Variants in HIBCH observed in about 807,000 individuals in gnomAD.
The protein encoded by HIBCH is 3-hydroxyisobutyryl-CoA hydrolase, mitochondrial.
In HIBCH, 50 loss-of-function variants were observed where a neutral mutation model predicts 58.2. That is an observed-to-expected ratio of 0.86 (90% confidence interval 0.68 to 1.09). The LOEUF (loss-of-function observed/expected upper bound fraction) is 1.09. HIBCH is among the 50% of genes least tolerant of loss of function. The pLI is 0.00. For missense variants in HIBCH, 450 were observed against 449.7 expected (o/e 1.00, Z -0.01); for synonymous variants, 151 against 146.9 (o/e 1.03, Z -0.20).
Position 190,290,350 on chromosome 2 carries a change from C to CTT in HIBCH, c.385+54_385+55insAA. 2.5e-6 allele frequency: 3 copies of CTT among 1,191,768 alleles called. 1 individual carries two copies. The South Asian group carries it at 3.6e-5, about 14-fold the overall frequency. The allele number at this position is 1,191,768 out of a possible 1,614,324, so 73.8% of individuals were successfully genotyped here. A position where few individuals can be genotyped will look rare whatever the true frequency, so the allele number is the denominator to read the frequency against. On this transcript the variant is annotated intron_variant, in intron 5 of 13. Transcript: ENST00000359678. ...GATTGCATTTTTAACAAAGTACATA[C>CTT]TGTCCACCTCATTTCTTTATTCCAT...
chr2:190,297,591 T>C (rs571541455), intron 2 of HIBCH, among the ~76,000 whole-genome samples: 1 of 152,346 alleles, frequency 6.6e-6, no homozygotes, highest in African/African-American at 2.4e-5. Context: ...AAGTTTCCTG[T>C]ATACTGACTT....
At chr2:190,228,777 C>T (rs1195109072) in intron 11 of HIBCH, among the ~76,000 whole-genome samples, 1 of 152,142 alleles carries the variant, frequency 6.6e-6, no homozygotes, top group Non-Finnish European at 1.5e-5. Context: ...CAGTTGTCTC[C>T]TATTGTCAAA....
At chr2:190,318,835 A>T (rs1688773370) in intron 1 of HIBCH, among the ~76,000 whole-genome samples, 1 of 152,218 alleles carries the variant, frequency 6.6e-6, no homozygotes, top group Non-Finnish European at 1.5e-5. Flanking sequence ...ACAGAAAAGC[A>T]ACTCTTAAAT....
At chr2:190,318,978 C>CT (rs1481759782) in intron 1 of HIBCH, among the ~76,000 whole-genome samples, 1 of 152,142 alleles carries the variant, frequency 6.6e-6, no homozygotes, top group Non-Finnish European at 1.5e-5. Context: ...AAGGCAAACT[C>CT]TAAGGCTTAA....
chr2:190,296,967 G>T lies in HIBCH; in HGVS notation c.79-14C>A. On this transcript the variant is annotated splice_polypyrimidine_tract_variant and intron_variant, in intron 2 of 13. Transcript: ENST00000359678. Reference sequence around the variant, plus strand: ...CTTGGACATTCTCTGTATAAACAAAGAATAACTTTATGACAAAATTTCTTA... The same window carrying T: ...CTTGGACATTCTCTGTATAAACAAATAATAACTTTATGACAAAATTTCTTA... 2.5e-6 allele frequency: 4 copies of T among 1,613,282 alleles called. No homozygotes were observed. Among genetic ancestry groups the T allele is most frequent in the Non-Finnish European group, 3.4e-6 (4 of 1,179,518 alleles).
At chr2:190,272,873 T>TA (rs1433867175) in intron 6 of HIBCH, among the ~76,000 whole-genome samples, 19 of 151,290 alleles carry the variant, frequency 1.3e-4, no homozygotes, top group South Asian at 2.1e-4. Context: ...TATAGGAAGC[T>TA]AAAAAAAACA....
chr2:190,260,383 A>C (rs1294285550), intron 7 of HIBCH: 1 of 152,196 alleles, frequency 6.6e-6, no homozygotes, highest in East Asian at 1.9e-4. Flanking sequence ...TGCTGAGAGA[A>C]ATTAAAGACC....
intron 7 of HIBCH, among the ~76,000 whole-genome samples, chr2:190,252,922 C>T (rs1686816690): frequency 1.3e-5 from 2 of 152,130 alleles, no homozygotes; most frequent in Non-Finnish European, 2.9e-5. Flanking sequence ...GGCGCGGTGG[C>T]TCACACCTGT....
chr2:190,303,630 C>T (rs189181796), intron 2 of HIBCH, among the ~76,000 whole-genome samples: 137 of 152,200 alleles, frequency 9.0e-4, no homozygotes, highest in African/African-American at 3.1e-3. Flanking sequence ...TAATCTTCCT[C>T]GCAGAATTCT....
chr2:190,273,816 CAT>C (rs1298957388), intron 6 of HIBCH, among the ~76,000 whole-genome samples: 1 of 152,130 alleles, frequency 6.6e-6, no homozygotes, highest in Non-Finnish European at 1.5e-5. Flanking sequence ...TCTCTTCTTT[CAT>C]AAACTCTCAG....
intron 6 of HIBCH, among the ~76,000 whole-genome samples, chr2:190,287,058 G>GTGTGTGTGTGTGTGTGTGTGTGTA (rs10662510): frequency 1.1e-4 from 16 of 147,680 alleles, no homozygotes; most frequent in Admixed American, 2.7e-4. Context: ...GTGTGTGTGT[G>GTGTGTGTGTGTGTGTGTGTGTGTA]TATACATATA....
intron 12 of HIBCH, 22 bp downstream of exon 12, chr2:190,212,934 C>A (rs529951295): frequency 1.3e-6 from 2 of 1,581,490 alleles, no homozygotes; most frequent in South Asian, 1.1e-5. Flanking sequence ...TAAAAAATGA[C>A]ATTTTTTTTT....
chr2:190,222,352 A>G (rs1182808187), intron 11 of HIBCH, among the ~76,000 whole-genome samples: 1 of 152,118 alleles, frequency 6.6e-6, no homozygotes, highest in Non-Finnish European at 1.5e-5. Context: ...TGTCAGGGAA[A>G]ATTTCCTGCT....
chr2:190,241,802 C>T (rs1270531331), intron 11 of HIBCH, among the ~76,000 whole-genome samples: 1 of 152,154 alleles, frequency 6.6e-6, no homozygotes, highest in Non-Finnish European at 1.5e-5. Flanking sequence ...CCACTCTCTT[C>T]TGGATTGTAT....
intron 10 of HIBCH, 128 bp downstream of exon 10, chr2:190,246,026 C>T (rs1686595922): frequency 7.3e-6 from 4 of 547,276 alleles, no homozygotes; most frequent in Non-Finnish European, 1.3e-5. Flanking sequence ...AAGCTCTATA[C>T]TTTCTGATCT....
chr2:190,196,531 T>C (rs1197639221), intron 1 of HIBCH, among the ~76,000 whole-genome samples: 2 of 151,964 alleles, frequency 1.3e-5, no homozygotes, highest in African/African-American at 4.8e-5. Context: ...TCTTTTTTTT[T>C]TTTTTCCCTT....
At chr2:190,310,369 C>G (rs1023076290) in intron 2 of HIBCH, among the ~76,000 whole-genome samples, 7 of 152,170 alleles carry the variant, frequency 4.6e-5, no homozygotes, top group African/African-American at 1.2e-4. Context: ...TACATATGTC[C>G]TATAAGTTCT....
chr2:190,297,555 A>G (rs1332627214), intron 2 of HIBCH, among the ~76,000 whole-genome samples: 1 of 152,250 alleles, frequency 6.6e-6, no homozygotes, highest in African/African-American at 2.4e-5. Flanking sequence ...CCAGATTATA[A>G]TATGACATAC....
chr2:190,220,843 T>G (rs1685699343), intron 11 of HIBCH, among the ~76,000 whole-genome samples: 1 of 152,170 alleles, frequency 6.6e-6, no homozygotes, highest in South Asian at 2.1e-4. Flanking sequence ...GACCACTTTC[T>G]GGCTTCATAT....
Sources: allele counts gnomAD v4.1 joint callset (sites outside exome capture counted in the v4.1 genomes callset), GRCh38; gene constraint gnomAD v4.1.1; transcripts MANE v1.5; gene names NCBI Gene and HGNC (gene_info 2026-07-23, HGNC 2026-07-21).